Variants in CCDC154 observed in about 807,000 individuals in gnomAD.
The protein encoded by CCDC154 is coiled-coil domain-containing protein 154.
In CCDC154, 91 loss-of-function variants were observed where a neutral mutation model predicts 87.5. That is an observed-to-expected ratio of 1.04 (90% confidence interval 0.88 to 1.24). CCDC154 has a LOEUF of 1.24. CCDC154 is among the 50% of genes most tolerant of loss of function. CCDC154 has a pLI of 0.00. For missense variants in CCDC154, 903 were observed against 879.2 expected, an observed-to-expected ratio of 1.03 and a Z score of -0.34; for synonymous variants, 418 against 400.4, an observed-to-expected ratio of 1.04 and a Z score of -0.52.
rs919127100 is a variant in CCDC154, at chr16:1,436,009, G to C, written c.1565C>G (p.Pro522Arg). ...SSVQLLKEDN[P>R]GRKIAEMQGK... Reference sequence around the variant, plus strand: ...CTGCATCTCCGCGATCTTCCGCCCAGGGTTGTCTTCCTTTAGCAGCTGCAC... The same window carrying C: ...CTGCATCTCCGCGATCTTCCGCCCACGGTTGTCTTCCTTTAGCAGCTGCAC... The change falls in exon 14 of 17, where the codon CCT becomes CGT. Residue 522 changes from proline to arginine, a missense_variant. Transcript: ENST00000389176. The C allele has an allele frequency of 1.3e-6, 2 of 1,550,386 alleles. No individual in the cohort carries two copies. Among genetic ancestry groups the C allele is most frequent in the Non-Finnish European group, 8.7e-7 (1 of 1,146,902 alleles).
At chr16:1,439,942 G>A (rs563359781) in intron 6 of CCDC154, among the ~76,000 whole-genome samples, 22 of 151,634 alleles carry the variant, frequency 1.5e-4, no homozygotes, top group African/African-American at 4.4e-4. Flanking sequence ...TGAGGTCAGA[G>A]GTTCAAGACC....
At chr16:1,437,608 C>G (rs2038513339) in intron 11 of CCDC154, 8 of 571,914 alleles carry the variant, frequency 1.4e-5, no homozygotes, top group South Asian at 3.4e-5. Flanking sequence ...GCTGCAGATG[C>G]TGGGCCGAGG....
At chr16:1,438,269 C>T in intron 9 of CCDC154, 93 bp from the exon 10 acceptor site, 1 of 1,403,986 alleles carries the variant, frequency 7.1e-7, no homozygotes. Flanking sequence ...GGCTCCAGAA[C>T]CTCCCAGGAG....
chr16:1,443,448 G>A (rs867819853), intron 3 of CCDC154, 58 bp downstream of exon 3: 8 of 1,431,192 alleles, frequency 5.6e-6, no homozygotes, highest in Non-Finnish European at 6.4e-6. Flanking sequence ...CCCAGAAGCA[G>A]CTGCCCCCAA....
rs2038586110 is a variant in CCDC154, at chr16:1,444,013, C to A, written c.8-1G>T. ...CCTGAGGGTCCACTGTCAGCCAACTCTACAAGGAGGCATCTTGGGAGCTTG... is the reference window on the plus strand; with the variant it reads ...CCTGAGGGTCCACTGTCAGCCAACTATACAAGGAGGCATCTTGGGAGCTTG... On this transcript the variant is annotated splice_acceptor_variant, in intron 1 of 16. Coordinates refer to ENST00000389176, the MANE Select transcript of CCDC154 (RefSeq NM_001143980.3). LOFTEE classifies it high-confidence loss of function. 1 of 1,298,598 alleles carries A rather than the reference C, an allele frequency of 7.7e-7. No homozygotes were observed. The highest frequency in any genetic ancestry group is 1.5e-5 in the African/African-American group (1 of 65,990). The allele number at this position is 1,298,598 out of a possible 1,614,324, so 80.4% of individuals were successfully genotyped here.
intron 6 of CCDC154, among the ~76,000 whole-genome samples, chr16:1,440,215 C>T (rs1047643207): frequency 1.3e-5 from 2 of 150,208 alleles, no homozygotes; most frequent in Admixed American, 6.7e-5. Context: ...TTTGGGAGGC[C>T]GAGGTGGGCG....
chr16:1,438,042 C>T lies in CCDC154; in HGVS notation c.1152+8G>A, dbSNP rs752327046. ...CCCCGTTGGGGACATGTTGCGCTAC[C>T]CCCTCACCAGCACCAGCTCTCCATG... On this transcript the variant is annotated splice_region_variant and intron_variant, in intron 10 of 16. Transcript: ENST00000389176. The T allele has an allele frequency of 6.5e-7, 1 of 1,546,792 alleles. No homozygotes were observed. Among genetic ancestry groups the T allele is most frequent in the South Asian group, 1.2e-5 (1 of 83,770 alleles).
rs2142349921 is a variant in CCDC154 at position 1,435,159 on chromosome 16, A to G, written c.1622T>C (p.Met541Thr). 1.3e-6 allele frequency: 2 copies of G among 1,550,552 alleles called. No individual in the cohort carries two copies. Among genetic ancestry groups the G allele is most frequent in the Non-Finnish European group, 1.7e-6 (2 of 1,146,860 alleles). ...GKLATFQNQI[M>T]KLENCVQANK... The stretch of plus-strand genomic sequence containing the variant: ...GGCCTGGACGCAGTTTTCCAGCTTC[A>G]TTATTTGGTTCTGAAACTAAACATG... Residue 541 changes from methionine (M) to threonine (T), a missense_variant, in exon 15 of 17, where the codon ATG becomes ACG. By Grantham distance (81) the Met-to-Thr change is moderately conservative. Coordinates refer to ENST00000389176, the MANE Select transcript of CCDC154 (RefSeq NM_001143980.3).
rs886191181 is a variant in CCDC154 at position 1,436,862 on chromosome 16, C to G, written c.1291-51G>C. On this transcript the variant is annotated intron_variant, in intron 11 of 16. Coordinates refer to ENST00000389176, the MANE Select transcript of CCDC154 (RefSeq NM_001143980.3). ...ACAAAGCCAAGAGAGGGGGGACAGA[C>G]AGATGGAAAGACGGACACGGGGAGC... is the stretch of plus-strand genomic sequence containing the variant. 3 of 1,545,326 alleles carry G rather than the reference C, an allele frequency of 1.9e-6. No individual in the cohort carries two copies. The African/African-American group carries it at 4.1e-5, about 21-fold the overall frequency.
rs1405891307 is a variant in CCDC154, at chr16:1,438,861, C to G, written c.860G>C (p.Arg287Pro). Reference protein sequence around the residue: ...GELESRWEKLRGLMEERLRAL... With the variant: ...GELESRWEKLPGLMEERLRAL... ...CCGCAGGCGCTCCTCCATCAGCCCC[C>G]GAAGCTTCTCCCACCGGCTCTCCAG... Residue 287 changes from arginine (R) to proline (P), a missense_variant, in exon 8 of 17, where the codon CGG becomes CCG. By Grantham distance (103) the Arg-to-Pro change is moderately radical (BLOSUM62 -2). Coordinates refer to ENST00000389176, the MANE Select transcript of CCDC154 (RefSeq NM_001143980.3). 6 of 1,549,002 alleles carry G rather than the reference C, an allele frequency of 3.9e-6. No homozygotes were observed. The highest frequency in any genetic ancestry group is 2.0e-5 in the Admixed American group (1 of 50,964).
At position 1,443,678 on chromosome 16, in the gene CCDC154, G is replaced by A. The variant is rs199617334; in HGVS notation, c.242C>T (p.Ala81Val). 1.4e-3 allele frequency: 1,778 copies of A among 1,293,004 alleles called. 18 individuals carry two copies. The African/African-American group carries it at 0.021, about 15-fold the overall frequency. 80.1% of individuals were successfully genotyped at this position (1,293,004 alleles called of 1,614,324 possible). A position where few individuals can be genotyped will look rare whatever the true frequency, so the allele number is the denominator to read the frequency against. The change falls in exon 3 of 17, where the codon GCC (alanine) becomes GTC (valine). Residue 81 changes from alanine to valine, a missense_variant. Ala to Val is a moderately conservative substitution (Grantham distance 64, BLOSUM62 0). Transcript: ENST00000389176. ...GTGCTCCCGCAGGCAGGCCACCTCGGCCTGCAGCTCCACCACCCTGGCCGG... is the reference window on the plus strand; with the variant it reads ...GTGCTCCCGCAGGCAGGCCACCTCGACCTGCAGCTCCACCACCCTGGCCGG... ...QLEQWVVELQ[A>V]EVACLREHKQ...
chr16:1,440,122 T>G (rs2038537222), intron 6 of CCDC154, among the ~76,000 whole-genome samples: 1 of 123,430 alleles, frequency 8.1e-6, no homozygotes, highest in African/African-American at 3.2e-5. Flanking sequence ...AACTCCAGCC[T>G]GGGCGACAGA....
Position 1,443,259 on chromosome 16 carries a change from AC to A in CCDC154, c.455+1del. On this transcript the variant is annotated splice_donor_variant, in intron 4 of 16. Coordinates refer to ENST00000389176, the MANE Select transcript of CCDC154 (RefSeq NM_001143980.3). LOFTEE classifies it high-confidence loss of function. ...CTGTGCCCCTAGGTGTGTGGGGGGT[AC>A]CTTTTGTCCAGGGCCTGCATCTGGT... The A allele has an allele frequency of 1.3e-6, 2 of 1,548,912 alleles. No homozygotes were observed. The highest frequency in any genetic ancestry group is 1.7e-6 in the Non-Finnish European group (2 of 1,146,476).
rs114692169 is a variant in CCDC154, at chr16:1,437,127, C to T, written c.1291-316G>A. 7.0e-3 allele frequency: 2,766 copies of T among 394,328 alleles called. 82 individuals carry two copies. The highest frequency in any genetic ancestry group is 0.053 in the African/African-American group (2,578 of 49,006). 24.4% of individuals were successfully genotyped at this position (394,328 alleles called of 1,614,324 possible). A position where few individuals can be genotyped will look rare whatever the true frequency, so the allele number is the denominator to read the frequency against. Reference sequence around the variant, plus strand: ...GGTGTCGCCCACGTTTGCAGCCGCGCTCGCGTGTCGGTGGATGAGCGGGAA... The same window carrying T: ...GGTGTCGCCCACGTTTGCAGCCGCGTTCGCGTGTCGGTGGATGAGCGGGAA... On this transcript the variant is annotated intron_variant, in intron 11 of 16. Transcript: ENST00000389176.
At position 1,443,520 on chromosome 16, in the gene CCDC154, T is replaced by C; in HGVS notation, c.400A>G (p.Lys134Glu). 6.8e-7 allele frequency: 1 copy of C among 1,472,762 alleles called. No homozygotes were observed. Among genetic ancestry groups the C allele is most frequent in the Non-Finnish European group, 8.9e-7 (1 of 1,120,642 alleles). The allele number at this position is 1,472,762 out of a possible 1,614,324, so 91.2% of individuals were successfully genotyped here. The change falls in exon 3 of 17, where the codon AAG becomes GAG. Residue 134 changes from lysine (K) to glutamate (E), a missense_variant. Lys to Glu is a moderately conservative substitution (Grantham distance 56, BLOSUM62 1). Coordinates refer to ENST00000389176, the MANE Select transcript of CCDC154 (RefSeq NM_001143980.3). ...GAGCCGCTCACCTCCGGCGCCTCCT[T>C]TTCGGGGGCCTGGGCTGCCGGCCGC... is the stretch of plus-strand genomic sequence containing the variant. ...EARPAAQAPEKEAPEFSGLQN... is the reference protein window; with the variant it reads ...EARPAAQAPEEEAPEFSGLQN...
intron 4 of CCDC154, 126 bp downstream of exon 4, chr16:1,443,132 GACC>G: frequency 7.4e-7 from 1 of 1,355,202 alleles, no homozygotes; most frequent in Non-Finnish European, 1.0e-6. Flanking sequence ...TTTCTAGCTG[GACC>G]TGGATGTGTA....
chr16:1,436,642 C>T (rs1376235041), intron 12 of CCDC154, 50 bp downstream of exon 12: 24 of 1,546,922 alleles, frequency 1.6e-5, no homozygotes, highest in East Asian at 1.5e-4. Context: ...AAGGGTCCCA[C>T]GCCACCTCCA....
Position 1,443,266 on chromosome 16 carries a change from G to C in CCDC154, c.450C>G (p.Asp150Glu). 3 of 1,549,212 alleles carry C rather than the reference G, an allele frequency of 1.9e-6. No individual in the cohort carries two copies. The South Asian group carries it at 3.6e-5, about 18-fold the overall frequency. ...SGLQNQMQAL[D>E]KRLVEVREAL... ...CCTAGGTGTGTGGGGGGTACCTTTT[G>C]TCCAGGGCCTGCATCTGGTTCTGGA... is the stretch of plus-strand genomic sequence containing the variant. The change falls in exon 4 of 17, where the codon GAC (aspartate) becomes GAG (glutamate). Residue 150 changes from aspartate (D) to glutamate (E), a missense_variant. Transcript: ENST00000389176.
rs985919548 is a variant in CCDC154, at chr16:1,438,044, C to T, written c.1152+6G>A. ...CCGTTGGGGACATGTTGCGCTACCC[C>T]CTCACCAGCACCAGCTCTCCATGCA... On this transcript the variant is annotated splice_donor_region_variant and intron_variant, in intron 10 of 16. Transcript: ENST00000389176. The T allele has an allele frequency of 1.9e-6, 3 of 1,546,864 alleles. No homozygotes were observed. Among genetic ancestry groups the T allele is most frequent in the African/African-American group, 2.7e-5 (2 of 72,988 alleles).
Sources: allele counts gnomAD v4.1 joint callset (sites outside exome capture counted in the v4.1 genomes callset), GRCh38; gene constraint gnomAD v4.1.1; transcripts MANE v1.5; gene names NCBI Gene and HGNC (gene_info 2026-07-23, HGNC 2026-07-21).